The following EHMT1 variants were observed in gnomAD, a reference collection of about 807,000 sequenced individuals.
EHMT1 encodes the protein euchromatic histone lysine methyltransferase 1.
In EHMT1, 15 loss-of-function variants were observed where a neutral mutation model predicts 147.2. The observed-to-expected ratio is 0.10, with a 90% confidence interval of 0.07 to 0.16. The LOEUF is 0.16. Ranked by LOEUF, EHMT1 falls within the 10% of genes least tolerant of loss-of-function variation. The pLI is 1.00. For synonymous variants in EHMT1, 795 were observed against 709.6 expected, an observed-to-expected ratio of 1.12 and a Z score of -1.91; for missense variants, 1,587 against 1,772.4, an observed-to-expected ratio of 0.90 and a Z score of 1.88.
intron 2 of EHMT1, among the ~76,000 whole-genome samples, chr9:137,714,573 TTTTTTA>T (rs1484498741): frequency 5.4e-5 from 8 of 149,400 alleles, no homozygotes; most frequent in African/African-American, 2.0e-4. Flanking sequence ...TTTTTTTTTT[TTTTTTA>T]ATGAGACCTG....
intron 4 of EHMT1, among the ~76,000 whole-genome samples, chr9:137,733,247 T>C (rs1458699826): frequency 5.9e-5 from 9 of 152,218 alleles, no homozygotes; most frequent in Non-Finnish European, 1.3e-4. Context: ...CCCAGCATTG[T>C]TTTAGGTGAG....
intron 3 of EHMT1, among the ~76,000 whole-genome samples, chr9:137,726,297 G>C (rs1017477376): frequency 9.2e-5 from 14 of 152,126 alleles, no homozygotes; most frequent in Non-Finnish European, 1.9e-4. Context: ...CCCAGTCCCT[G>C]GCAATACCAT....
intron 4 of EHMT1, among the ~76,000 whole-genome samples, chr9:137,734,638 C>A (rs748242630): frequency 6.6e-6 from 1 of 152,282 alleles, no homozygotes; most frequent in South Asian, 2.1e-4. Flanking sequence ...CTCAAAGAGA[C>A]CCACAGTAGA....
At position 137,754,301 on chromosome 9, in the gene EHMT1, G is replaced by T; in HGVS notation, c.1369+10G>T. ...CCCAGCGGTGCCCTCGGTAAATGCC[G>T]TGGGGGTGTGGGCCATCACGGGGAC... On this transcript the variant is annotated intron_variant, in intron 8 of 26. Coordinates refer to ENST00000460843, the MANE Select transcript of EHMT1 (RefSeq NM_024757.5). 1.9e-6 allele frequency: 3 copies of T among 1,613,792 alleles called. No homozygotes were observed. Among genetic ancestry groups the T allele is most frequent in the Non-Finnish European group, 1.7e-6 (2 of 1,179,802 alleles).
At chr9:137,652,449 C>T (rs1564543037) in intron 1 of EHMT1, among the ~76,000 whole-genome samples, 1 of 151,860 alleles carries the variant, frequency 6.6e-6, no homozygotes, top group Non-Finnish European at 1.5e-5. Flanking sequence ...TGCAGTGGTG[C>T]GATCTTGGCT....
Position 137,758,735 on chromosome 9 carries a change from AC to A in EHMT1, c.1501+725del, listed in dbSNP as rs1261448822. On this transcript the variant is annotated intron_variant, in intron 9 of 26. Transcript: ENST00000460843. Reference sequence around the variant, plus strand: ...GGGCTTAATGGGCCATTTAAAAATGACAAATAGCTAGCTTTTTAGGGTTTTG... The same window carrying A: ...GGGCTTAATGGGCCATTTAAAAATGAAAATAGCTAGCTTTTTAGGGTTTTG... 3.3e-5 allele frequency among the ~76,000 whole-genome samples: 5 copies of A among 152,318 alleles called. No individual in the cohort carries two copies. The East Asian group carries it at 9.6e-4, about 29-fold the overall frequency.
At position 137,650,210 on chromosome 9, in the gene EHMT1, C is replaced by T. The variant is rs192009290; in HGVS notation, c.21+31161C>T. ...AACTCCCAGGCTCAAGTGATCCTCCCGCCTTAGCCTCCTTAATAGTTAGAA... is the reference window on the plus strand; with the variant it reads ...AACTCCCAGGCTCAAGTGATCCTCCTGCCTTAGCCTCCTTAATAGTTAGAA... On this transcript the variant is annotated intron_variant, in intron 1 of 26. Coordinates refer to ENST00000460843, the MANE Select transcript of EHMT1 (RefSeq NM_024757.5). 6.8e-4 allele frequency among the ~76,000 whole-genome samples: 103 copies of T among 152,230 alleles called. 1 individual carries two copies. Among genetic ancestry groups the T allele is most frequent in the South Asian group, 8.3e-4 (4 of 4,820 alleles).
intron 1 of EHMT1, among the ~76,000 whole-genome samples, chr9:137,709,167 T>TA (rs1944484655): frequency 6.6e-6 from 1 of 152,240 alleles, no homozygotes; most frequent in Non-Finnish European, 1.5e-5. Flanking sequence ...GTCCTAGTAT[T>TA]ACCATGAAAA....
At chr9:137,810,275 C>T (rs888849141) in intron 18 of EHMT1, among the ~76,000 whole-genome samples, 11 of 151,636 alleles carry the variant, frequency 7.3e-5, no homozygotes, top group Non-Finnish European at 1.3e-4. Context: ...GAGGCGGTTC[C>T]GATGCCGCCC....
intron 2 of EHMT1, among the ~76,000 whole-genome samples, chr9:137,711,714 G>C (rs542489354): frequency 6.6e-6 from 1 of 152,262 alleles, no homozygotes; most frequent in South Asian, 2.1e-4. Context: ...TTCTTGGAGA[G>C]CCTGCACCAC....
At chr9:137,730,733 G>A (rs989567354) in intron 4 of EHMT1, among the ~76,000 whole-genome samples, 4 of 152,214 alleles carry the variant, frequency 2.6e-5, no homozygotes, top group Non-Finnish European at 5.9e-5. Context: ...CTGAGTCCTG[G>A]GGCGTGGGCA....
intron 1 of EHMT1, among the ~76,000 whole-genome samples, chr9:137,698,298 G>A (rs907705299): frequency 6.6e-6 from 1 of 152,234 alleles, no homozygotes; most frequent in African/African-American, 2.4e-5. Flanking sequence ...TGAGGTAACT[G>A]TGATGTAGAT....
At chr9:137,764,319 C>T (rs1403940975) in intron 10 of EHMT1, 2 of 152,376 alleles carry the variant, frequency 1.3e-5, no homozygotes, top group Non-Finnish European at 2.9e-5. Flanking sequence ...GCCCAGCGGG[C>T]TCCCTATGTG....
chr9:137,775,205 A>C lies in EHMT1; in HGVS notation c.1744A>C (p.Met582Leu), dbSNP rs1441442601. 6.2e-7 allele frequency: 1 copy of C among 1,613,498 alleles called. No individual in the cohort carries two copies. ...LVLCEDHRGR[M>L]VKHQCCPGCG... ...GCTGTGTGAAGACCACCGGGGCCGC[A>C]TGGTGAAGCACCAGTGCTGTCCTGG... The change falls in exon 11 of 27, where the codon ATG becomes CTG. Residue 582 changes from methionine (M) to leucine (L), a missense_variant. This residue lies in a region of EHMT1 where 124 missense variants were observed against 197.8 expected (regional missense o/e 0.63). Coordinates refer to ENST00000460843, the MANE Select transcript of EHMT1 (RefSeq NM_024757.5). The surrounding 1 kb of genome is among the most constrained non-coding windows in gnomAD (Gnocchi z 6.1).
At position 137,697,294 on chromosome 9, in the gene EHMT1, C is replaced by T. The variant is rs563147309; in HGVS notation, c.22-13673C>T. ...TGTCTGTTTCAAAACAAACAAACAACCAGTGCAGAGTTTGAGATCCATGTG... is the reference window on the plus strand; with the variant it reads ...TGTCTGTTTCAAAACAAACAAACAATCAGTGCAGAGTTTGAGATCCATGTG... On this transcript the variant is annotated intron_variant, in intron 1 of 26. Coordinates refer to ENST00000460843, the MANE Select transcript of EHMT1 (RefSeq NM_024757.5). The T allele has an allele frequency of 4.0e-4, 86 of 213,804 alleles. 1 individual carries two copies. Among genetic ancestry groups the T allele is most frequent in the South Asian group, 1.8e-3 (40 of 22,582 alleles). The allele number at this position is 213,804 out of a possible 1,614,324, so 13.2% of individuals were successfully genotyped here. A position where few individuals can be genotyped will look rare whatever the true frequency, so the allele number is the denominator to read the frequency against.
intron 3 of EHMT1, among the ~76,000 whole-genome samples, chr9:137,717,862 G>GT (rs1317222511): frequency 2.6e-5 from 4 of 152,202 alleles, no homozygotes; most frequent in African/African-American, 9.6e-5. Context: ...AATGAACTTG[G>GT]TTAGGGCCAG....
rs368319087 is a variant in EHMT1, at chr9:137,757,922, C to T, written c.1412C>T (p.Thr471Met). Residue 471 changes from threonine to methionine, a missense_variant, in exon 9 of 27, where the codon ACG becomes ATG. Thr to Met is a moderately conservative substitution (Grantham distance 81). Transcript: ENST00000460843. ...TCATCTGCAGGAAGCGCTGAGCAGA[C>T]GGCACCAGGAGACAGCACAGGGTAC... is the stretch of plus-strand genomic sequence containing the variant. The part of the protein sequence containing the change: ...YKSSAGSAEQ[T>M]APGDSTGYME... 3.0e-5 allele frequency: 48 copies of T among 1,613,904 alleles called. No individual in the cohort carries two copies. Among genetic ancestry groups the T allele is most frequent in the South Asian group, 2.1e-4 (19 of 91,080 alleles).
intron 1 of EHMT1, chr9:137,650,942 G>A (rs1407596768): frequency 6.6e-6 from 1 of 152,124 alleles, no homozygotes; most frequent in Non-Finnish European, 1.5e-5. Context: ...GCACACCCGT[G>A]GTTCCAGCTA....
chr9:137,619,220 C>T (rs1322508006), intron 1 of EHMT1, among the ~76,000 whole-genome samples, 171 bp downstream of exon 1: 1 of 139,666 alleles, frequency 7.2e-6, no homozygotes, highest in Admixed American at 7.0e-5. Flanking sequence ...GAGGCCGGGC[C>T]GAGGCCGCCG....
Sources: gnomAD v4.1 joint callset for allele counts (sites outside exome capture counted in the v4.1 genomes callset) on GRCh38, gnomAD v4.1.1 for gene constraint, gnomAD v4.1.1 regional missense constraint, Gnocchi (gnomAD v3.1) non-coding constraint, MANE v1.5 for transcripts, NCBI Gene and HGNC (gene_info 2026-07-23, HGNC 2026-07-21) for gene names.